The following UBE3D variants were observed in gnomAD, a reference collection of about 807,000 sequenced individuals.
UBE3D encodes E3 ubiquitin-protein ligase E3D.
A neutral mutation model predicts 49.6 loss-of-function variants in UBE3D; 48 were observed. The observed-to-expected ratio is 0.97, with a 90% confidence interval of 0.77 to 1.23. The LOEUF (loss-of-function observed/expected upper bound fraction) is 1.23, where lower values mean the gene tolerates loss of function less well. Ranked by LOEUF, UBE3D falls within the 50% of genes most tolerant of loss-of-function variation. The pLI, the probability that UBE3D is intolerant of heterozygous loss-of-function variation, is 0.00. For missense variants in UBE3D, 452 were observed against 468.4 expected (o/e 0.96, Z 0.32); for synonymous variants, 189 against 174.2 (o/e 1.08, Z -0.67).
At chr6:83,034,647 G>A (rs549857574) in intron 5 of UBE3D, among the ~76,000 whole-genome samples, 1 of 152,166 alleles carries the variant, frequency 6.6e-6, no homozygotes, top group African/African-American at 2.4e-5. Flanking sequence ...AAAGTGTGTG[G>A]CAATTCCCTG....
At chr6:83,017,443 T>C (rs1780772125) in intron 8 of UBE3D, 1 of 152,020 alleles carries the variant, frequency 6.6e-6, no homozygotes, top group African/African-American at 2.4e-5. Flanking sequence ...AGCTTACTAG[T>C]TGACTATGCA....
intron 9 of UBE3D, among the ~76,000 whole-genome samples, chr6:82,934,331 T>G (rs1774394343): frequency 6.6e-6 from 1 of 152,232 alleles, no homozygotes; most frequent in Non-Finnish European, 1.5e-5. Flanking sequence ...GAGAATGGAC[T>G]AATACAATGA....
At chr6:82,897,176 A>C (rs936149524) in intron 9 of UBE3D, among the ~76,000 whole-genome samples, 3 of 152,286 alleles carry the variant, frequency 2.0e-5, no homozygotes, top group Non-Finnish European at 4.4e-5. Flanking sequence ...AAAAAAACAC[A>C]AAACTTTCCT....
intron 8 of UBE3D, among the ~76,000 whole-genome samples, chr6:82,967,500 C>T (rs976634081): frequency 6.6e-6 from 1 of 152,134 alleles, no homozygotes; most frequent in African/African-American, 2.4e-5. Flanking sequence ...CCCCTGGCAA[C>T]CACTAATCTG....
intron 5 of UBE3D, among the ~76,000 whole-genome samples, chr6:83,030,520 T>C (rs527435203): frequency 3.9e-5 from 6 of 152,350 alleles, no homozygotes; most frequent in Non-Finnish European, 8.8e-5. Context: ...TGTGGGTCCA[T>C]TAAACCTCTT....
chr6:82,977,113 C>CAAAAAAAAAAAAAAAAAAAA (rs58424434), intron 8 of UBE3D, among the ~76,000 whole-genome samples: 1 of 42,572 alleles, frequency 2.3e-5, no homozygotes, highest in Non-Finnish European at 3.7e-5. Context: ...GACTCCATCT[C>CAAAAAAAAAAAAAAAAAAAA]AAAAAAAAAA....
intron 9 of UBE3D, among the ~76,000 whole-genome samples, chr6:82,911,459 G>T (rs1374378703): frequency 6.6e-6 from 1 of 152,060 alleles, no homozygotes; most frequent in Non-Finnish European, 1.5e-5. Context: ...GGTTTTTGTT[G>T]TTTTTCTAAT....
chr6:82,940,017 GA>G (rs1275703046), intron 9 of UBE3D, among the ~76,000 whole-genome samples: 1 of 152,168 alleles, frequency 6.6e-6, no homozygotes, highest in Non-Finnish European at 1.5e-5. Context: ...CCTTGGTAGG[GA>G]CAGAAATGTC....
chr6:82,993,880 A>G (rs1779065609), intron 8 of UBE3D, among the ~76,000 whole-genome samples: 1 of 152,252 alleles, frequency 6.6e-6, no homozygotes, highest in Admixed American at 6.5e-5. Flanking sequence ...GAGTTCCATG[A>G]TCATATGAGA....
chr6:82,910,850 T>C (rs1301416649), intron 9 of UBE3D, among the ~76,000 whole-genome samples: 1 of 152,174 alleles, frequency 6.6e-6, no homozygotes, highest in Non-Finnish European at 1.5e-5. Flanking sequence ...CTGAGTGTTA[T>C]TCTGAACACT....
intron 8 of UBE3D, chr6:83,018,484 A>C (rs1255908344): frequency 1.3e-5 from 2 of 153,150 alleles, no homozygotes; most frequent in African/African-American, 2.4e-5. Flanking sequence ...GGGGATGATA[A>C]TGGTACATAC....
chr6:82,984,520 T>C (rs1778328106), intron 8 of UBE3D, among the ~76,000 whole-genome samples: 1 of 152,216 alleles, frequency 6.6e-6, no homozygotes, highest in African/African-American at 2.4e-5. Flanking sequence ...TACCAAAGTA[T>C]GAGATTTCCC....
At position 82,912,074 on chromosome 6, in the gene UBE3D, C is replaced by T. The variant is rs182745875; in HGVS notation, c.1150-19032G>A. Among the ~76,000 whole-genome samples the T allele has an allele frequency of 1.0e-3, 158 of 151,340 alleles. 1 individual carries two copies. The highest frequency in any genetic ancestry group is 3.8e-3 in the African/African-American group (153 of 40,768). ...TTTTTAAGAAATTTGTTCTGAAGTTCTGATAAGGATTAGAACCCATTCTTT... is the reference window on the plus strand; with the variant it reads ...TTTTTAAGAAATTTGTTCTGAAGTTTTGATAAGGATTAGAACCCATTCTTT... On this transcript the variant is annotated intron_variant, in intron 9 of 9. Transcript: ENST00000369747.
chr6:82,937,901 AC>A (rs1774705611), intron 9 of UBE3D, among the ~76,000 whole-genome samples: 1 of 151,952 alleles, frequency 6.6e-6, no homozygotes, highest in African/African-American at 2.4e-5. Context: ...TGGCACCCTA[AC>A]CCCATCATTC....
At chr6:82,918,080 A>G (rs1355082292) in intron 9 of UBE3D, among the ~76,000 whole-genome samples, 1 of 152,126 alleles carries the variant, frequency 6.6e-6, no homozygotes, top group African/African-American at 2.4e-5. Context: ...TCTTTCTCCC[A>G]AGTAAGACAA....
In UBE3D at chr6:82,892,582, T is replaced by A. The variant is rs1278602855; in HGVS notation, c.*440A>T. On this transcript the variant is annotated 3_prime_UTR_variant, in exon 10 of 10. Transcript: ENST00000369747. Reference sequence around the variant, plus strand: ...TCTACTTTTCTTTTTTAAAATTTGTTTTAAATCATCCTGAGAAACTCTTTA... The same window carrying A: ...TCTACTTTTCTTTTTTAAAATTTGTATTAAATCATCCTGAGAAACTCTTTA... The A allele has an allele frequency of 6.0e-6, 1 of 166,218 alleles. No individual in the cohort carries two copies. Among genetic ancestry groups the A allele is most frequent in the Non-Finnish European group, 1.3e-5 (1 of 75,382 alleles). The allele number at this position is 166,218 out of a possible 1,614,324, so 10.3% of individuals were successfully genotyped here. A position where few individuals can be genotyped will look rare whatever the true frequency, so the allele number is the denominator to read the frequency against.
intron 9 of UBE3D, among the ~76,000 whole-genome samples, chr6:82,941,807 CT>C (rs1267607385): frequency 6.6e-6 from 1 of 152,182 alleles, no homozygotes; most frequent in Admixed American, 6.5e-5. Flanking sequence ...TCCTCCTGCC[CT>C]GTGAAGAGGT....
intron 9 of UBE3D, chr6:82,925,157 A>G (rs1231510232): frequency 1.3e-5 from 2 of 152,276 alleles, no homozygotes; most frequent in African/African-American, 4.8e-5. Flanking sequence ...AGTGAATGAT[A>G]AAGGCCAGTG....
chr6:82,885,060 G>A, the UBE3D span, among the ~76,000 whole-genome samples: 1 of 152,044 alleles, frequency 6.6e-6, no homozygotes, highest in Non-Finnish European at 1.5e-5. Flanking sequence ...TGCTTAGAAT[G>A]GGTTGTCACG....
Sources: gnomAD v4.1 joint callset for allele counts (sites outside exome capture counted in the v4.1 genomes callset) on GRCh38, gnomAD v4.1.1 for gene constraint, MANE v1.5 for transcripts, NCBI Gene and HGNC (gene_info 2026-07-23, HGNC 2026-07-21) for gene names.